ADAMTS18: variants seen among roughly 807,000 people sequenced by gnomAD.
ADAMTS18 encodes the protein ADAM metallopeptidase with thrombospondin type 1 motif 18.
ADAMTS18 carries 157 observed loss-of-function variants against 165.9 expected under a neutral mutation model. That is an observed-to-expected ratio of 0.95 (90% CI 0.83 to 1.08). The LOEUF (loss-of-function observed/expected upper bound fraction) is 1.08, where lower values mean the gene tolerates loss of function less well. Among genes scored for constraint, ADAMTS18 ranks in the 50% least tolerant of loss-of-function variants. The probability of loss-of-function intolerance (pLI) is 0.00; values close to 1 mark genes in which losing one functional copy is unlikely to be tolerated. For missense variants in ADAMTS18, 2,040 were observed against 1,534.0 expected (o/e 1.33, Z -5.51); for synonymous variants, 782 against 578.2 (o/e 1.35, Z -5.06).
intron 22 of ADAMTS18, among the ~76,000 whole-genome samples, chr16:77,285,340 T>G (rs1468681278): frequency 1.3e-5 from 2 of 152,048 alleles, no homozygotes; most frequent in African/African-American, 4.8e-5. Context: ...GCCCAGTTAA[T>G]TTTTGTATTT....
At chr16:77,315,719 A>G (rs1399749676) in intron 16 of ADAMTS18, among the ~76,000 whole-genome samples, 1 of 152,214 alleles carries the variant, frequency 6.6e-6, no homozygotes, top group Non-Finnish European at 1.5e-5. Context: ...GCTACTCCCA[A>G]GAGGCAGCTT....
chr16:77,381,760 C>A (rs1401026681), intron 3 of ADAMTS18, among the ~76,000 whole-genome samples: 5 of 152,150 alleles, frequency 3.3e-5, no homozygotes, highest in Admixed American at 2.0e-4. Flanking sequence ...CGAGATCATG[C>A]CACTGCAGTC....
intron 8 of ADAMTS18, among the ~76,000 whole-genome samples, chr16:77,357,671 A>G (rs2096666874): frequency 6.6e-6 from 1 of 152,232 alleles, no homozygotes; most frequent in Non-Finnish European, 1.5e-5. Context: ...TCAAGTCGGA[A>G]TTTAATTTTG....
intron 17 of ADAMTS18, among the ~76,000 whole-genome samples, chr16:77,297,709 G>A (rs1340362980): frequency 2.0e-5 from 3 of 151,938 alleles, no homozygotes; most frequent in African/African-American, 7.3e-5. Context: ...AAAACAGAAT[G>A]ACTATAAAGG....
At chr16:77,333,145 G>C (rs935418914) in intron 12 of ADAMTS18, among the ~76,000 whole-genome samples, 83 of 152,246 alleles carry the variant, frequency 5.5e-4, no homozygotes, top group African/African-American at 1.9e-3. Context: ...CAGTCCCGTA[G>C]AGAATGACTC....
intron 10 of ADAMTS18, among the ~76,000 whole-genome samples, chr16:77,344,608 C>T (rs561945408): frequency 6.6e-6 from 1 of 152,204 alleles, no homozygotes; most frequent in South Asian, 2.1e-4. Context: ...TAACCCACAC[C>T]CAGTGCCTAT....
rs1597220069 is a variant in ADAMTS18 at position 77,395,265 on chromosome 16, C to T, written c.496-27542G>A. Among the ~76,000 whole-genome samples the T allele has an allele frequency of 2.0e-5, 3 of 152,084 alleles. No individual in the cohort carries two copies. The East Asian group carries it at 5.8e-4, about 29-fold the overall frequency. On this transcript the variant is annotated intron_variant, in intron 3 of 22. Transcript: ENST00000282849. ...GGGTAGGGAGCGTTTGTAGGGGAGGCCAAAGTTCTCTGGAAAACCAGTAAG... is the reference window on the plus strand; with the variant it reads ...GGGTAGGGAGCGTTTGTAGGGGAGGTCAAAGTTCTCTGGAAAACCAGTAAG...
chr16:77,357,906 C>A (rs1208055269), intron 8 of ADAMTS18, among the ~76,000 whole-genome samples: 1 of 152,142 alleles, frequency 6.6e-6, no homozygotes, highest in Non-Finnish European at 1.5e-5. Flanking sequence ...TTCTGCTTTT[C>A]CTTATCTAAA....
At chr16:77,431,114 A>C (rs1567561940) in intron 3 of ADAMTS18, among the ~76,000 whole-genome samples, 181 bp downstream of exon 3, 1 of 152,220 alleles carries the variant, frequency 6.6e-6, no homozygotes, top group Non-Finnish European at 1.5e-5. Flanking sequence ...TTAAAGTTCT[A>C]TTATATTTTC....
chr16:77,316,345 C>A (rs574744484), intron 16 of ADAMTS18, among the ~76,000 whole-genome samples: 4 of 152,016 alleles, frequency 2.6e-5, no homozygotes, highest in Admixed American at 1.3e-4. Flanking sequence ...ACCTCTGCCT[C>A]CTGGGTTCAA....
intron 3 of ADAMTS18, among the ~76,000 whole-genome samples, chr16:77,383,783 C>G (rs749124318): frequency 6.6e-6 from 1 of 152,060 alleles, no homozygotes; most frequent in African/African-American, 2.4e-5. Flanking sequence ...CATCGTGATC[C>G]GCCCTCCTTG....
chr16:77,352,313 TTATTAATGACTGAA>T (rs771719920), intron 10 of ADAMTS18, among the ~76,000 whole-genome samples: 27 of 152,156 alleles, frequency 1.8e-4, no homozygotes, highest in Non-Finnish European at 3.4e-4. Context: ...AAGAAGGTAG[TTATTAATGACTGAA>T]TATTAATGAC....
At chr16:77,304,229 C>G (rs2055641642) in intron 16 of ADAMTS18, among the ~76,000 whole-genome samples, 1 of 152,110 alleles carries the variant, frequency 6.6e-6, no homozygotes, top group South Asian at 2.1e-4. Flanking sequence ...GAAGCTGAGG[C>G]AGTAGGATCT....
In ADAMTS18 at chr16:77,396,801, CTT is replaced by C. The variant is rs59065639; in HGVS notation, c.496-29080_496-29079del. On this transcript the variant is annotated intron_variant, in intron 3 of 22. Coordinates refer to ENST00000282849, the MANE Select transcript of ADAMTS18 (RefSeq NM_199355.4). ...CTAAACAAGTGCCAGTCTTCATTGC[CTT>C]TTTTTTTTTTTTTAATTTTTTGAGA... Among the ~76,000 whole-genome samples the C allele has an allele frequency of 2.4e-3, 338 of 142,706 alleles. 1 individual carries two copies. Among genetic ancestry groups the C allele is most frequent in the African/African-American group, 8.1e-3 (314 of 38,856 alleles). The allele number at this position is 142,706 out of a possible 152,430, so 93.6% of individuals were successfully genotyped here. A position where few individuals can be genotyped will look rare whatever the true frequency, so the allele number is the denominator to read the frequency against.
intron 3 of ADAMTS18, among the ~76,000 whole-genome samples, chr16:77,409,433 C>T (rs2057432983): frequency 6.6e-6 from 1 of 152,100 alleles, no homozygotes; most frequent in African/African-American, 2.4e-5. Flanking sequence ...TGGGGACTGG[C>T]TTATTCCACA....
At position 77,305,419 on chromosome 16, in the gene ADAMTS18, A is replaced by G. The variant is rs550620742; in HGVS notation, c.2533-5015T>C. ...CCTCAAAAACTGCTACATAATTTCTAAAGCCCAGTGCAAAATGAAAATTCA... is the reference window on the plus strand; with the variant it reads ...CCTCAAAAACTGCTACATAATTTCTGAAGCCCAGTGCAAAATGAAAATTCA... On this transcript the variant is annotated intron_variant, in intron 16 of 22. Coordinates refer to ENST00000282849, the MANE Select transcript of ADAMTS18 (RefSeq NM_199355.4). 1.4e-4 allele frequency among the ~76,000 whole-genome samples: 21 copies of G among 152,354 alleles called. 1 individual carries two copies. Among genetic ancestry groups the G allele is most frequent in the Admixed American group, 1.2e-3 (19 of 15,308 alleles).
chr16:77,305,097 A>T (rs1461210500), intron 16 of ADAMTS18, among the ~76,000 whole-genome samples: 1 of 119,966 alleles, frequency 8.3e-6, no homozygotes, highest in Non-Finnish European at 1.7e-5. Flanking sequence ...TAAAGGAAGT[A>T]AAAACTTAAA....
intron 3 of ADAMTS18, among the ~76,000 whole-genome samples, chr16:77,380,633 C>T (rs947796420): frequency 2.6e-5 from 4 of 152,122 alleles, no homozygotes; most frequent in African/African-American, 4.8e-5. Context: ...TGTTAAAATG[C>T]ATATAGTTTA....
chr16:77,298,699 G>T (rs1417731448), intron 17 of ADAMTS18, among the ~76,000 whole-genome samples: 1 of 152,250 alleles, frequency 6.6e-6, no homozygotes, highest in Non-Finnish European at 1.5e-5. Flanking sequence ...CGGTGAGGTA[G>T]GAGGATGGCT....
Sources: gnomAD v4.1 joint callset for allele counts (sites outside exome capture counted in the v4.1 genomes callset) on GRCh38, gnomAD v4.1.1 for gene constraint, MANE v1.5 for transcripts, NCBI Gene and HGNC (gene_info 2026-07-23, HGNC 2026-07-21) for gene names.